SPANXN3: variants seen among roughly 807,000 people sequenced by gnomAD.
SPANXN3 encodes the protein sperm protein associated with the nucleus on the X chromosome N3.
SPANXN3 carries 1 observed loss-of-function variant against 1.9 expected under a neutral mutation model. The observed-to-expected ratio is 0.54, with a 90% confidence interval of 0.19 to 2.54. The LOEUF is 2.54. Ranked by LOEUF, SPANXN3 falls within the 30% of genes most tolerant of loss-of-function variation. SPANXN3 has a pLI of 0.24. For synonymous variants in SPANXN3, 47 were observed against 40.0 expected (o/e 1.17, Z -0.66); for missense variants, 113 against 96.2 (o/e 1.17, Z -0.73).
At chrX:143,516,046 A>G in intron 1 of SPANXN3, among the ~76,000 whole-genome samples, 1 of 111,567 alleles carries the variant, frequency 9.0e-6, no homozygotes, top group Non-Finnish European at 1.9e-5. Flanking sequence ...CAATTCCCTC[A>G]AGTGCAACCT....
At chrX:143,514,026 C>T (rs1556412123) in intron 1 of SPANXN3, among the ~76,000 whole-genome samples, 1 of 111,965 alleles carries the variant, frequency 8.9e-6, no homozygotes, top group Admixed American at 9.4e-5. Flanking sequence ...TTCCTAACTA[C>T]AAAAGGAACT....
Position 143,509,001 on chromosome X carries a change from T to G in SPANXN3, c.240A>C (p.Pro80=). 1 of 1,212,167 alleles carries G rather than the reference T, an allele frequency of 8.2e-7. No individual in the cohort carries two copies. The change falls in exon 2 of 2, where the codon CCA becomes CCC. Residue 80 remains proline (P), a synonymous_variant. Transcript: ENST00000370503. ...NEQSQENSIN[P]IQKEEDEGVD... ...CGCCTTCGTCCTCCTCCTTTTGGAT[T>G]GGATTGATGGAGTTCTCTTGGGACT...
Position 143,517,383 on chromosome X carries a change from C to T in SPANXN3, c.9G>A (p.Gln3=). The T allele has an allele frequency of 8.3e-7, 1 of 1,211,349 alleles. No individual in the cohort carries two copies. Among genetic ancestry groups the T allele is most frequent in the Admixed American group, 2.2e-5 (1 of 46,029 alleles). Residue 3 remains glutamine (Q), a synonymous_variant, in exon 1 of 2, where the codon CAG becomes CAA. Coordinates refer to ENST00000370503, the MANE Select transcript of SPANXN3 (RefSeq NM_001009609.4). ME[Q]PTSSTNGEKT... is the part of the protein sequence containing the mutation. ...TCTCCCCATTGGTGCTGGAAGTTGG[C>T]TGTTCCATGATTCTGGTTGGTTGTA...
chrX:143,515,872 A>G (rs371704541), intron 1 of SPANXN3, among the ~76,000 whole-genome samples: 2 of 111,502 alleles, frequency 1.8e-5, no homozygotes, highest in East Asian at 5.7e-4. Flanking sequence ...ATCCACCCAC[A>G]CCATCACATA....
chrX:143,513,789 G>C (rs1234615742), intron 1 of SPANXN3, among the ~76,000 whole-genome samples: 3 of 111,784 alleles, frequency 2.7e-5, no homozygotes, highest in African/African-American at 6.5e-5. Context: ...GTTAATGGAA[G>C]CTCTTTTAGG....
chrX:143,512,988 C>T (rs782412007), intron 1 of SPANXN3, among the ~76,000 whole-genome samples: 1 of 112,008 alleles, frequency 8.9e-6, no homozygotes, highest in Admixed American at 9.4e-5. Flanking sequence ...TAGCCCAAAC[C>T]AAAGTTACTT....
At chrX:143,511,669 A>G (rs1375833836) in intron 1 of SPANXN3, among the ~76,000 whole-genome samples, 1 of 111,761 alleles carries the variant, frequency 8.9e-6, no homozygotes, top group Non-Finnish European at 1.9e-5. Context: ...TCAACTTGGC[A>G]ACAGTCAACT....
At chrX:143,510,582 A>G (rs868939588) in intron 1 of SPANXN3, among the ~76,000 whole-genome samples, 15 of 111,573 alleles carry the variant, frequency 1.3e-4, no homozygotes, top group African/African-American at 3.9e-4. Context: ...TTCAAATTCA[A>G]CATCATCTAA....
At chrX:143,514,644 C>T (rs1267535575) in intron 1 of SPANXN3, among the ~76,000 whole-genome samples, 3 of 111,195 alleles carry the variant, frequency 2.7e-5, no homozygotes, top group African/African-American at 3.3e-5. Context: ...CCACCACCAC[C>T]GAAAAGGCAC....
chrX:143,512,476 T>G (rs1380964089), intron 1 of SPANXN3, among the ~76,000 whole-genome samples: 1 of 111,595 alleles, frequency 9.0e-6, no homozygotes, highest in African/African-American at 3.3e-5. Flanking sequence ...AGAACACCCC[T>G]ATTCTGGCTT....
At chrX:143,511,700 C>T (rs1482585587) in intron 1 of SPANXN3, among the ~76,000 whole-genome samples, 1 of 111,782 alleles carries the variant, frequency 8.9e-6, no homozygotes, top group East Asian at 2.8e-4. Flanking sequence ...GTTATAAGTG[C>T]ATCCAACAGG....
chrX:143,515,547 T>G (rs1208212458), intron 1 of SPANXN3, among the ~76,000 whole-genome samples: 2 of 111,160 alleles, frequency 1.8e-5, no homozygotes, highest in Non-Finnish European at 3.8e-5. Flanking sequence ...AAAATTTCAC[T>G]CCTACTCAAA....
Position 143,509,059 on chromosome X carries a change from T to C in SPANXN3, c.182A>G (p.Lys61Arg). The stretch of plus-strand genomic sequence containing the variant: ...CTCCAGTTGATTTGAATTTATTTTC[T>C]TACCCTTCCTGAGGTAATACACAAA... Reference protein sequence around the residue: ...IIFVYYLRKGKKINSNQLENE... With the variant: ...IIFVYYLRKGRKINSNQLENE... Residue 61 changes from lysine to arginine, a missense_variant, in exon 2 of 2, where the codon AAG (lysine) becomes AGG (arginine). Coordinates refer to ENST00000370503, the MANE Select transcript of SPANXN3 (RefSeq NM_001009609.4). 1 of 1,210,281 alleles carries C rather than the reference T, an allele frequency of 8.3e-7. No individual in the cohort carries two copies.
chrX:143,514,110 A>G (rs1206365240), intron 1 of SPANXN3, among the ~76,000 whole-genome samples: 1 of 112,072 alleles, frequency 8.9e-6, no homozygotes, highest in Non-Finnish European at 1.9e-5. Flanking sequence ...ACCATTATCC[A>G]TTGCAAGGGG....
chrX:143,509,463 A>T lies in SPANXN3; in HGVS notation c.79-301T>A, dbSNP rs781988910. ...GAGCAACATCCTGCCTAACCACCTG[A>T]CCACAAGGTGGACAAAGGCTCAACT... On this transcript the variant is annotated intron_variant, in intron 1 of 1. Transcript: ENST00000370503. 270 of 268,937 alleles carry T rather than the reference A, an allele frequency of 1.0e-3. 1 individual carries two copies. Among genetic ancestry groups the T allele is most frequent in the African/African-American group, 6.5e-3 (239 of 36,843 alleles). The allele number at this position is 268,937 out of a possible 1,213,427, so 22.2% of individuals were successfully genotyped here.
At chrX:143,513,216 C>A (rs187879725) in intron 1 of SPANXN3, among the ~76,000 whole-genome samples, 2,106 of 111,877 alleles carry the variant, frequency 0.019, 24 homozygotes, top group Middle Eastern at 0.024. Context: ...ACCCAGCTTG[C>A]CCCATCAACT....
chrX:143,517,289 T>A, intron 1 of SPANXN3, 25 bp downstream of exon 1: 1 of 1,204,663 alleles, frequency 8.3e-7, no homozygotes, highest in South Asian at 1.8e-5. Context: ...ACCCTCACCT[T>A]CCCTTCAAAA....
intron 1 of SPANXN3, among the ~76,000 whole-genome samples, chrX:143,514,699 A>C (rs1929173961): frequency 9.0e-6 from 1 of 111,409 alleles, no homozygotes; most frequent in Admixed American, 9.5e-5. Context: ...CCACCGGTTT[A>C]AACTCCCCTC....
chrX:143,512,799 A>G (rs1389162781), intron 1 of SPANXN3, among the ~76,000 whole-genome samples: 1 of 111,178 alleles, frequency 9.0e-6, no homozygotes, highest in Non-Finnish European at 1.9e-5. Context: ...CTCATCAAGG[A>G]CCTAGGTGAA....
Sources: gnomAD v4.1 joint callset for allele counts (sites outside exome capture counted in the v4.1 genomes callset) on GRCh38, gnomAD v4.1.1 for gene constraint, MANE v1.5 for transcripts, NCBI Gene and HGNC (gene_info 2026-07-23, HGNC 2026-07-21) for gene names.